Variants in HS6ST3 observed in about 807,000 individuals in gnomAD.
HS6ST3 encodes the protein heparan sulfate 6-O-sulfotransferase 3, also known as heparan-sulfate 6-O-sulfotransferase 3.
In HS6ST3, 12 loss-of-function variants were observed where a neutral mutation model predicts 36.7. The ratio of observed to expected loss-of-function variants is 0.33; its 90% CI spans 0.21 to 0.53. The LOEUF (loss-of-function observed/expected upper bound fraction) is 0.53. Ranked by LOEUF, HS6ST3 falls within the 20% of genes least tolerant of loss-of-function variation. The probability of loss-of-function intolerance (pLI) is 0.95; values close to 1 mark genes in which losing one functional copy is unlikely to be tolerated. For missense variants in HS6ST3, 584 were observed against 640.9 expected (o/e 0.91, Z 0.96); for synonymous variants, 240 against 257.5 (o/e 0.93, Z 0.65).
At chr13:96,658,268 CTTTTTTTTTTTTT>C (rs71213623) in intron 1 of HS6ST3, among the ~76,000 whole-genome samples, 47 of 76,174 alleles carry the variant, frequency 6.2e-4, no homozygotes, top group East Asian at 2.6e-3. Context: ...TCTTCTTCTT[CTTTTTTTTTTTTT>C]TTTTTTTTTT....
At chr13:96,471,875 T>A (rs2055841674) in intron 1 of HS6ST3, among the ~76,000 whole-genome samples, 1 of 152,142 alleles carries the variant, frequency 6.6e-6, no homozygotes, top group Non-Finnish European at 1.5e-5. Flanking sequence ...ACAACATGCA[T>A]CTATTTTTCT....
At chr13:96,095,162 T>C (rs559372212) in intron 1 of HS6ST3, among the ~76,000 whole-genome samples, 1 of 152,382 alleles carries the variant, frequency 6.6e-6, no homozygotes, top group Admixed American at 6.5e-5. Context: ...ATTCAATGTT[T>C]TGCTTACTAT....
At chr13:96,749,288 AT>A (rs1876639873) in intron 1 of HS6ST3, among the ~76,000 whole-genome samples, 1 of 152,156 alleles carries the variant, frequency 6.6e-6, no homozygotes, top group African/African-American at 2.4e-5. Flanking sequence ...TATTTTTCAC[AT>A]TTTAAGTGAA....
intron 1 of HS6ST3, among the ~76,000 whole-genome samples, chr13:96,407,022 T>C (rs945850218): frequency 6.6e-5 from 10 of 152,232 alleles, no homozygotes; most frequent in Non-Finnish European, 1.3e-4. Context: ...TCTAGATATT[T>C]GTATTAACAT....
intron 1 of HS6ST3, among the ~76,000 whole-genome samples, chr13:96,150,464 C>G (rs2054079609): frequency 6.6e-6 from 1 of 152,008 alleles, no homozygotes. Flanking sequence ...GGGACCTGTC[C>G]CTGTCTGCGT....
intron 1 of HS6ST3, among the ~76,000 whole-genome samples, chr13:96,384,552 CT>C (rs1469036791): frequency 6.6e-6 from 1 of 152,098 alleles, no homozygotes; most frequent in Admixed American, 6.6e-5. Context: ...CTTCCTCGCC[CT>C]GGTGTTAGGT....
chr13:96,175,089 CTTAA>C (rs1485466339), intron 1 of HS6ST3, among the ~76,000 whole-genome samples: 4 of 152,116 alleles, frequency 2.6e-5, no homozygotes, highest in South Asian at 4.1e-4. Context: ...TTCATGACTG[CTTAA>C]TTAGTCTTAC....
At chr13:96,511,778 T>A (rs536665421) in intron 1 of HS6ST3, among the ~76,000 whole-genome samples, 2 of 152,256 alleles carry the variant, frequency 1.3e-5, no homozygotes, top group South Asian at 4.1e-4. Context: ...GAGGCTTACG[T>A]TTAAGAAGTC....
intron 1 of HS6ST3, among the ~76,000 whole-genome samples, chr13:96,118,053 G>A (rs145261187): frequency 0.017 from 2,578 of 152,034 alleles, 64 homozygotes; most frequent in African/African-American, 0.059. Flanking sequence ...TATTTTTTAA[G>A]TAGAGATGGG....
At chr13:96,486,138 GT>G (rs2055913473) in intron 1 of HS6ST3, among the ~76,000 whole-genome samples, 2 of 151,298 alleles carry the variant, frequency 1.3e-5, no homozygotes, top group South Asian at 4.2e-4. Context: ...CCTTTCGATA[GT>G]TTGCTGAGAA....
chr13:96,100,419 A>T (rs1190098620), intron 1 of HS6ST3, among the ~76,000 whole-genome samples: 1 of 152,148 alleles, frequency 6.6e-6, no homozygotes, highest in Non-Finnish European at 1.5e-5. Context: ...GGGATAGGGA[A>T]ACCAATATTG....
chr13:96,568,996 A>G (rs1225633516), intron 1 of HS6ST3, among the ~76,000 whole-genome samples: 4 of 152,204 alleles, frequency 2.6e-5, no homozygotes, highest in Non-Finnish European at 5.9e-5. Context: ...CTGTCTAACC[A>G]TATCTGAGAT....
intron 1 of HS6ST3, among the ~76,000 whole-genome samples, chr13:96,244,790 C>CTAAT (rs2054577154): frequency 1.3e-5 from 2 of 152,092 alleles, no homozygotes; most frequent in African/African-American, 4.8e-5. Flanking sequence ...TATGGGTGGC[C>CTAAT]TATAACAGAA....
chr13:96,345,360 G>A (rs529402711), intron 1 of HS6ST3, among the ~76,000 whole-genome samples: 57 of 152,094 alleles, frequency 3.7e-4, no homozygotes, highest in Non-Finnish European at 7.1e-4. Flanking sequence ...TTTCTAAAGC[G>A]TGTTTGTCTT....
chr13:96,447,999 A>T (rs2139483984), intron 1 of HS6ST3, among the ~76,000 whole-genome samples: 2 of 152,338 alleles, frequency 1.3e-5, no homozygotes, highest in Middle Eastern at 3.4e-3. Context: ...TATCATTATT[A>T]TAGTCTGAGG....
intron 1 of HS6ST3, among the ~76,000 whole-genome samples, chr13:96,810,755 G>A (rs114386758): frequency 0.011 from 1,737 of 152,238 alleles, 36 homozygotes; most frequent in African/African-American, 0.039. Context: ...CCAACTGAGA[G>A]CTTGCATGTG....
intron 1 of HS6ST3, among the ~76,000 whole-genome samples, chr13:96,144,367 C>T (rs1199257388): frequency 1.3e-5 from 2 of 152,012 alleles, no homozygotes; most frequent in Non-Finnish European, 2.9e-5. Flanking sequence ...AATGTAATAA[C>T]TCATTACTAA....
intron 1 of HS6ST3, among the ~76,000 whole-genome samples, chr13:96,583,183 G>C (rs1327769226): frequency 7.6e-6 from 1 of 132,194 alleles, no homozygotes; most frequent in Non-Finnish European, 1.6e-5. Context: ...CGTTTTAATG[G>C]CTTCAATTTC....
At chr13:96,589,877 T>A (rs1354341073) in intron 1 of HS6ST3, among the ~76,000 whole-genome samples, 2 of 152,166 alleles carry the variant, frequency 1.3e-5, no homozygotes, top group African/African-American at 4.8e-5. Context: ...CTGCTCTCTG[T>A]CTACATGAGA....
Sources: gnomAD v4.1 joint callset for allele counts (sites outside exome capture counted in the v4.1 genomes callset) on GRCh38, gnomAD v4.1.1 for gene constraint, MANE v1.5 for transcripts, NCBI Gene and HGNC (gene_info 2026-07-23, HGNC 2026-07-21) for gene names.